Variants in WDR64 observed in about 807,000 individuals in gnomAD.
WDR64 encodes the protein WD repeat-containing protein 64.
A neutral mutation model predicts 139.3 loss-of-function variants in WDR64; 112 were observed. The observed-to-expected ratio is 0.80, with a 90% CI of 0.69 to 0.94. The LOEUF is 0.94. WDR64 is among the 40% of genes least tolerant of loss of function. The probability of loss-of-function intolerance (pLI) is 0.00; values close to 1 mark genes in which losing one functional copy is unlikely to be tolerated. For synonymous variants in WDR64, 444 were observed against 437.7 expected, an observed-to-expected ratio of 1.01 and a Z score of -0.18; for missense variants, 1,206 against 1,293.1, an observed-to-expected ratio of 0.93 and a Z score of 1.03.
chr1:241,655,275 C>T (rs188517973), intron 1 of WDR64, among the ~76,000 whole-genome samples: 37 of 152,134 alleles, frequency 2.4e-4, no homozygotes, highest in Admixed American at 1.4e-3. Flanking sequence ...CCCAGCTACT[C>T]GGGAGGCTAA....
intron 8 of WDR64, among the ~76,000 whole-genome samples, chr1:241,700,176 T>C (rs1429544761): frequency 6.7e-6 from 1 of 150,310 alleles, no homozygotes; most frequent in Non-Finnish European, 1.5e-5. Flanking sequence ...TTCTTTTTTT[T>C]TTATCCTTAA....
rs1665608483 is a variant in WDR64, at chr1:241,656,723, C to T, written c.146-3807C>T. ...CTAAATAATTATTTGTATATGTGTG[C>T]GTGTGTGGAGTTGGGGGCCTAGGGT... On this transcript the variant is annotated intron_variant, in intron 1 of 27. Transcript: ENST00000437684. The surrounding 1 kb of genome is among the most constrained non-coding windows in gnomAD (Gnocchi z 4.3). Among the ~76,000 whole-genome samples the T allele has an allele frequency of 6.6e-6, 1 of 151,938 alleles. No individual in the cohort carries two copies. The highest frequency in any genetic ancestry group is 2.1e-4 in the South Asian group (1 of 4,802).
At chr1:241,729,897 T>C (rs932787157) in intron 10 of WDR64, among the ~76,000 whole-genome samples, 4 of 152,206 alleles carry the variant, frequency 2.6e-5, no homozygotes, top group African/African-American at 9.6e-5. Flanking sequence ...ATTGAGAACC[T>C]GGTTTCACTG....
intron 1 of WDR64, among the ~76,000 whole-genome samples, chr1:241,657,575 C>T (rs1014053808): frequency 3.3e-5 from 5 of 152,092 alleles, no homozygotes; most frequent in Non-Finnish European, 5.9e-5. Flanking sequence ...CTAAAAGGCT[C>T]TTGTCTAGCT....
intron 8 of WDR64, among the ~76,000 whole-genome samples, chr1:241,702,564 T>C (rs990145777): frequency 1.3e-5 from 2 of 151,028 alleles, no homozygotes; most frequent in Non-Finnish European, 2.9e-5. Flanking sequence ...GGAGAAGAGA[T>C]GAAACTATCA....
intron 8 of WDR64, among the ~76,000 whole-genome samples, chr1:241,707,836 A>C (rs1414121066): frequency 6.6e-6 from 1 of 152,218 alleles, no homozygotes. Flanking sequence ...CCTTGATTTC[A>C]TAAGTGGAGA....
rs776631792 is a variant in WDR64 at position 241,683,447 on chromosome 1, G to A, written c.625-40G>A. Reference sequence around the variant, plus strand: ...ATAGGGGAAATATTTATTGAACAGAGCAAAGTAATAATTCATTAAAGTCAT... The same window carrying A: ...ATAGGGGAAATATTTATTGAACAGAACAAAGTAATAATTCATTAAAGTCAT... On this transcript the variant is annotated intron_variant, in intron 6 of 27. Coordinates refer to ENST00000437684, the MANE Select transcript of WDR64 (RefSeq NM_001367482.1). 5.2e-6 allele frequency: 8 copies of A among 1,537,490 alleles called. No homozygotes were observed. In the African/African-American group the frequency reaches 1.1e-4, roughly 21 times the overall value.
intron 8 of WDR64, among the ~76,000 whole-genome samples, chr1:241,694,117 AAG>A (rs1265817055): frequency 1.7e-4 from 26 of 152,146 alleles, no homozygotes; most frequent in Non-Finnish European, 3.5e-4. Flanking sequence ...ACAAAAAAAA[AAG>A]AGTCACAAAA....
intron 2 of WDR64, among the ~76,000 whole-genome samples, chr1:241,667,115 G>A (rs571135810): frequency 1.7e-4 from 26 of 152,282 alleles, no homozygotes; most frequent in South Asian, 1.2e-3. Context: ...TGACGTAGGA[G>A]ACATAATTTC....
intron 6 of WDR64, among the ~76,000 whole-genome samples, chr1:241,679,891 T>C (rs2148100243): frequency 6.6e-6 from 1 of 152,308 alleles, no homozygotes; most frequent in Non-Finnish European, 1.5e-5. Context: ...TCTTTGGGTA[T>C]ACTCATGTTA....
Position 241,751,246 on chromosome 1 carries a change from C to T in WDR64, c.1770+1524C>T, listed in dbSNP as rs140507786. ...GAAGCTTGTATGGTGGGATGGTTGT[C>T]AGACTAATCTGGTAGCCAGGCCATT... On this transcript the variant is annotated intron_variant, in intron 14 of 27. Transcript: ENST00000437684. Among the ~76,000 whole-genome samples, 4 of 152,238 alleles carry T rather than the reference C, an allele frequency of 2.6e-5. No homozygotes were observed. The East Asian group carries it at 7.7e-4, about 29-fold the overall frequency.
In WDR64 at chr1:241,652,343, T is replaced by A; in HGVS notation, c.-142T>A. The A allele has an allele frequency of 1.2e-6, 1 of 811,868 alleles. No homozygotes were observed. Among genetic ancestry groups the A allele is most frequent in the Non-Finnish European group, 1.9e-6 (1 of 528,388 alleles). The allele number at this position is 811,868 out of a possible 1,614,324, so 50.3% of individuals were successfully genotyped here. On this transcript the variant is annotated 5_prime_UTR_variant, in exon 1 of 28. Coordinates refer to ENST00000437684, the MANE Select transcript of WDR64 (RefSeq NM_001367482.1). ...TGGCAACTCTTACTCCTACCCGCACTATGGGATTTTAAGATCAAAGGAATT... is the reference window on the plus strand; with the variant it reads ...TGGCAACTCTTACTCCTACCCGCACAATGGGATTTTAAGATCAAAGGAATT...
chr1:241,793,776 T>C (rs964176840), intron 25 of WDR64, among the ~76,000 whole-genome samples: 2 of 152,236 alleles, frequency 1.3e-5, no homozygotes, highest in South Asian at 2.1e-4. Flanking sequence ...AGAAAATACA[T>C]ACCAGGTACA....
rs202067234 is a variant in WDR64 at position 241,660,607 on chromosome 1, C to T, written c.223C>T (p.Arg75Cys). 1.2e-4 allele frequency: 191 copies of T among 1,551,486 alleles called. No homozygotes were observed. The highest frequency in any genetic ancestry group is 6.6e-4 in the Middle Eastern group (4 of 6,016). Residue 75 changes from arginine to cysteine, a missense_variant, in exon 2 of 28, where the codon CGC becomes TGC. By Grantham distance (180) the Arg-to-Cys change is radical. Coordinates refer to ENST00000437684, the MANE Select transcript of WDR64 (RefSeq NM_001367482.1). ...GPDVKNQDVKRFYRKLCNNTD... is the reference protein window; with the variant it reads ...GPDVKNQDVKCFYRKLCNNTD... ...AGATGTGAAGAATCAAGATGTGAAA[C>T]GCTTTTACAGGAAACTGTGCAACAA...
At chr1:241,796,538 G>A (rs1659370468) in intron 27 of WDR64, among the ~76,000 whole-genome samples, 168 bp downstream of exon 27, 1 of 151,024 alleles carries the variant, frequency 6.6e-6, no homozygotes, top group Non-Finnish European at 1.5e-5. Context: ...TGTTGCCCAG[G>A]CTGGAGTGCA....
Position 241,757,398 on chromosome 1 carries a change from T to C in WDR64, c.1886T>C (p.Met629Thr). The C allele has an allele frequency of 6.2e-7, 1 of 1,613,990 alleles. No individual in the cohort carries two copies. Among genetic ancestry groups the C allele is most frequent in the South Asian group, 1.1e-5 (1 of 91,032 alleles). The change falls in exon 15 of 28, where the codon ATG becomes ACG. Residue 629 changes from methionine (M) to threonine (T), a missense_variant. Transcript: ENST00000437684. ...AGAATGTCTACTAGAGACAGGAACA[T>C]GGCTATTCCTTTCCCAGATGTCGAG... Reference protein sequence around the residue: ...HLRMSTRDRNMAIPFPDVELI... With the variant: ...HLRMSTRDRNTAIPFPDVELI...
intron 9 of WDR64, among the ~76,000 whole-genome samples, chr1:241,713,104 C>T (rs934324946): frequency 1.3e-5 from 2 of 149,084 alleles, no homozygotes; most frequent in African/African-American, 5.0e-5. Flanking sequence ...CCCAGGAGCT[C>T]AAGACTAGCC....
At chr1:241,708,549 C>T (rs1294430920) in intron 8 of WDR64, among the ~76,000 whole-genome samples, 1 of 152,040 alleles carries the variant, frequency 6.6e-6, no homozygotes, top group East Asian at 1.9e-4. Context: ...CCTGACCTCA[C>T]ATGATCCGCC....
At chr1:241,741,726 T>TA (rs1253684492) in intron 12 of WDR64, 62 bp downstream of exon 12, 67 of 1,468,046 alleles carry the variant, frequency 4.6e-5, no homozygotes, top group Non-Finnish European at 6.0e-5. Flanking sequence ...TTTCTGTTCT[T>TA]AAAATAAATC....
Sources: gnomAD v4.1 joint callset for allele counts (sites outside exome capture counted in the v4.1 genomes callset) on GRCh38, gnomAD v4.1.1 for gene constraint, Gnocchi (gnomAD v3.1) non-coding constraint, MANE v1.5 for transcripts, NCBI Gene and HGNC (gene_info 2026-07-23, HGNC 2026-07-21) for gene names.